ARHGAP35: variants seen among roughly 807,000 people sequenced by gnomAD.
The protein encoded by ARHGAP35 is Rho GTPase activating protein 35.
In ARHGAP35, 15 loss-of-function variants were observed where a neutral mutation model predicts 111.1. That is an observed-to-expected ratio of 0.13 (90% CI 0.09 to 0.21). ARHGAP35 has a LOEUF of 0.21. Ranked by LOEUF, ARHGAP35 falls within the 10% of genes least tolerant of loss-of-function variation. The probability of loss-of-function intolerance (pLI) is 1.00; values close to 1 mark genes in which losing one functional copy is unlikely to be tolerated. For missense variants in ARHGAP35, 1,262 were observed against 1,873.0 expected (o/e 0.67, Z 6.02); for synonymous variants, 643 against 710.3 (o/e 0.91, Z 1.51).
At chr19:46,954,357 C>T (rs972804020) in intron 3 of ARHGAP35, among the ~76,000 whole-genome samples, 2 of 152,342 alleles carry the variant, frequency 1.3e-5, no homozygotes, top group South Asian at 4.1e-4. Context: ...ACCTGGCTCT[C>T]CAGAGTCCTC....
intron 3 of ARHGAP35, among the ~76,000 whole-genome samples, chr19:46,942,682 G>A (rs2056355241): frequency 6.6e-6 from 1 of 151,686 alleles, no homozygotes; most frequent in South Asian, 2.1e-4. Flanking sequence ...AGGCATAGTG[G>A]TGTGCACCTG....
At chr19:46,888,260 TAATATATATATATATATA>T (rs2056003123) in intron 1 of ARHGAP35, among the ~76,000 whole-genome samples, 1 of 53,090 alleles carries the variant, frequency 1.9e-5, no homozygotes, top group African/African-American at 7.3e-5. Context: ...CCTCAATCAA[TAATATATATATATATATA>T]TATATATATA....
At chr19:46,978,687 ATG>A (rs1267571246) in intron 3 of ARHGAP35, among the ~76,000 whole-genome samples, 2 of 11,066 alleles carry the variant, frequency 1.8e-4, no homozygotes, top group Non-Finnish European at 3.5e-4. Context: ...GTGTGGTGGG[ATG>A]TGTGTGTGGT....
rs761182043 is a variant in ARHGAP35 at position 47,000,832 on chromosome 19, C to T, written c.*144C>T. 1.3e-6 allele frequency: 2 copies of T among 1,540,512 alleles called. No homozygotes were observed. Among genetic ancestry groups the T allele is most frequent in the East Asian group, 4.9e-5 (2 of 40,920 alleles). On this transcript the variant is annotated 3_prime_UTR_variant, in exon 7 of 7. Coordinates refer to ENST00000672722, the MANE Select transcript of ARHGAP35 (RefSeq NM_004491.5). The surrounding 1 kb of genome is among the most constrained non-coding windows in gnomAD (Gnocchi z 6.9). Reference sequence around the variant, plus strand: ...CCTTCTCAAGACCTCAGTGGGAGCACCAGCCAATGGTACCATCGGCTGGGC... The same window carrying T: ...CCTTCTCAAGACCTCAGTGGGAGCATCAGCCAATGGTACCATCGGCTGGGC...
intron 1 of ARHGAP35, among the ~76,000 whole-genome samples, chr19:46,863,879 CG>C (rs2055842085): frequency 6.6e-6 from 1 of 152,154 alleles, no homozygotes; most frequent in Non-Finnish European, 1.5e-5. Context: ...ATCTTTGCCC[CG>C]GGAAAGGCTC....
At chr19:46,890,059 A>C (rs2056016522) in intron 1 of ARHGAP35, among the ~76,000 whole-genome samples, 1 of 152,220 alleles carries the variant, frequency 6.6e-6, no homozygotes, top group African/African-American at 2.4e-5. Context: ...AGATTTCATC[A>C]AATTCTCAAA....
chr19:46,958,401 A>C (rs1014118678), intron 3 of ARHGAP35, among the ~76,000 whole-genome samples: 10 of 151,754 alleles, frequency 6.6e-5, no homozygotes, highest in African/African-American at 2.4e-4. Context: ...AAAAAAAAAA[A>C]GTGTATGGTT....
chr19:46,938,205 CAGTGGTATTA>C, intron 3 of ARHGAP35, among the ~76,000 whole-genome samples: 1 of 152,118 alleles, frequency 6.6e-6, no homozygotes, highest in Non-Finnish European at 1.5e-5. Flanking sequence ...ATATTATCTA[CAGTGGTATTA>C]AGTATTGTGT....
intron 3 of ARHGAP35, among the ~76,000 whole-genome samples, chr19:46,941,950 C>T (rs968435195): frequency 8.2e-5 from 12 of 145,532 alleles, no homozygotes; most frequent in Non-Finnish European, 1.8e-4. Context: ...ATTCCATTTT[C>T]GTCTTTCTTC....
rs139741417 is a variant in ARHGAP35 at position 46,931,896 on chromosome 19, G to A, written c.3682-5368G>A. 2.2e-4 allele frequency among the ~76,000 whole-genome samples: 34 copies of A among 152,270 alleles called. No individual in the cohort carries two copies. In the East Asian group the frequency reaches 4.6e-3, roughly 21 times the overall value. ...ATAACCCTTACCTTGCAGAGTGGTC[G>A]TGAAGTTTTGAATAATTGTGCAGAG... On this transcript the variant is annotated intron_variant, in intron 2 of 6. Transcript: ENST00000672722.
intron 5 of ARHGAP35, among the ~76,000 whole-genome samples, chr19:46,996,581 C>T (rs35751734): frequency 0.014 from 2,101 of 152,254 alleles, 18 homozygotes; most frequent in Middle Eastern, 0.044. Flanking sequence ...GGGATGAGAC[C>T]CAGCTCTTAT....
chr19:46,900,314 C>G (rs537655598), intron 1 of ARHGAP35, among the ~76,000 whole-genome samples: 6 of 151,710 alleles, frequency 4.0e-5, no homozygotes, highest in Non-Finnish European at 8.8e-5. Flanking sequence ...CTCCTCCTCC[C>G]AGGTTTAAGT....
chr19:46,895,496 A>G (rs185765179), intron 1 of ARHGAP35, among the ~76,000 whole-genome samples: 3 of 152,270 alleles, frequency 2.0e-5, no homozygotes, highest in East Asian at 1.9e-4. Flanking sequence ...TATCCCTTCT[A>G]TGGTTTGGGA....
intron 1 of ARHGAP35, among the ~76,000 whole-genome samples, chr19:46,917,656 A>G (rs2056171908): frequency 6.6e-6 from 1 of 152,134 alleles, no homozygotes; most frequent in African/African-American, 2.4e-5. Flanking sequence ...TTGTATGTAT[A>G]TATCACATTT....
chr19:46,968,491 A>G (rs1454965499), intron 3 of ARHGAP35, among the ~76,000 whole-genome samples: 1 of 152,218 alleles, frequency 6.6e-6, no homozygotes, highest in Admixed American at 6.5e-5. Flanking sequence ...GTTTGGGGAA[A>G]TATCTGTAGG....
At chr19:46,962,900 T>C (rs2056492942) in intron 3 of ARHGAP35, among the ~76,000 whole-genome samples, 2 of 152,202 alleles carry the variant, frequency 1.3e-5, no homozygotes, top group South Asian at 4.1e-4. Flanking sequence ...CATGAGCCAC[T>C]GCGCCCGGCC....
chr19:46,888,251 C>CAAAGAACAGGTTT (rs2056002890), intron 1 of ARHGAP35, among the ~76,000 whole-genome samples: 1 of 113,120 alleles, frequency 8.8e-6, no homozygotes, highest in Non-Finnish European at 1.8e-5. Context: ...CGCACCCGGC[C>CAAAGAACAGGTTT]TCAATCAATA....
Position 46,921,170 on chromosome 19 carries a change from G to T in ARHGAP35, c.2495G>T (p.Arg832Leu). Residue 832 changes from arginine (R) to leucine (L), a missense_variant, in exon 2 of 7, where the codon CGG (arginine) becomes CTG (leucine). Arg to Leu is a moderately radical substitution (Grantham distance 102). This residue lies in a region of ARHGAP35 where 579 missense variants were observed against 716.9 expected (regional missense o/e 0.81). Coordinates refer to ENST00000672722, the MANE Select transcript of ARHGAP35 (RefSeq NM_004491.5). The surrounding 1 kb of genome is among the most constrained non-coding windows in gnomAD (Gnocchi z 4.3). ...LELPIGLHKKRIELSVLSYHS... is the reference protein window; with the variant it reads ...LELPIGLHKKLIELSVLSYHS... Reference sequence around the variant, plus strand: ...CTACCAATCGGACTGCACAAGAAGCGGATTGAACTGTCTGTTCTTTCATAC... The same window carrying T: ...CTACCAATCGGACTGCACAAGAAGCTGATTGAACTGTCTGTTCTTTCATAC... 2 of 1,613,980 alleles carry T rather than the reference G, an allele frequency of 1.2e-6. No individual in the cohort carries two copies. Among genetic ancestry groups the T allele is most frequent in the Non-Finnish European group, 1.7e-6 (2 of 1,179,900 alleles).
chr19:46,986,631 A>C lies in ARHGAP35; in HGVS notation c.3827-1358A>C, dbSNP rs1340397397. Among the ~76,000 whole-genome samples the C allele has an allele frequency of 6.6e-6, 1 of 152,330 alleles. No individual in the cohort carries two copies. The highest frequency in any genetic ancestry group is 2.1e-4 in the South Asian group (1 of 4,824). ...AACAAAATTAGAAGACAGATAACAAAAAGGAAAAATGTAAACATATATAAC... is the reference window on the plus strand; with the variant it reads ...AACAAAATTAGAAGACAGATAACAACAAGGAAAAATGTAAACATATATAAC... On this transcript the variant is annotated intron_variant, in intron 3 of 6. Coordinates refer to ENST00000672722, the MANE Select transcript of ARHGAP35 (RefSeq NM_004491.5). The surrounding 1 kb of genome is among the most constrained non-coding windows in gnomAD (Gnocchi z 4.3).
Sources: allele counts gnomAD v4.1 joint callset (sites outside exome capture counted in the v4.1 genomes callset), GRCh38; gene constraint gnomAD v4.1.1; regional missense constraint gnomAD v4.1.1; non-coding constraint Gnocchi (gnomAD v3.1); transcripts MANE v1.5; gene names NCBI Gene and HGNC (gene_info 2026-07-23, HGNC 2026-07-21).